Variants in CYP1A1 observed in about 807,000 individuals in gnomAD.
CYP1A1 encodes cytochrome P450 family 1 subfamily A member 1.
CYP1A1 carries 43 observed loss-of-function variants against 33.6 expected under a neutral mutation model. The ratio of observed to expected loss-of-function variants is 1.28; its 90% confidence interval spans 1.00 to 1.65. The LOEUF (loss-of-function observed/expected upper bound fraction) is 1.65. Among genes scored for constraint, CYP1A1 ranks in the 40% most tolerant of loss-of-function variants. CYP1A1 has a pLI of 0.00. For synonymous variants in CYP1A1, 280 were observed against 257.8 expected (o/e 1.09, Z -0.83); for missense variants, 637 against 653.7 (o/e 0.97, Z 0.28).
chr15:74,724,507 G>A (rs1356025689), intron 1 of CYP1A1, among the ~76,000 whole-genome samples: 1 of 151,740 alleles, frequency 6.6e-6, no homozygotes, highest in Non-Finnish European at 1.5e-5. Context: ...AGAGGGAAGA[G>A]AAAACCCAGA....
At chr15:74,723,584 C>T (rs1163920677) in intron 1 of CYP1A1, among the ~76,000 whole-genome samples, 1 of 152,194 alleles carries the variant, frequency 6.6e-6, no homozygotes, top group East Asian at 1.9e-4. Context: ...TCATCATAAA[C>T]AATATCTATG....
intron 1 of CYP1A1, among the ~76,000 whole-genome samples, chr15:74,723,794 G>A (rs746122945): frequency 1.8e-4 from 28 of 152,130 alleles, no homozygotes; most frequent in Non-Finnish European, 3.7e-4. Flanking sequence ...CAGTGACAGA[G>A]CCAGGACTCA....
At position 74,722,889 on chromosome 15, in the gene CYP1A1, T is replaced by C. The variant is rs112517897; in HGVS notation, c.209A>G (p.Tyr70Cys). Residue 70 changes from tyrosine to cysteine, a missense_variant, in exon 2 of 7, where the codon TAT becomes TGT. Transcript: ENST00000379727. ...HLALSRMSQQ[Y>C]GDVLQIRIGS... ...AATTCGGATCTGCAGCACGTCCCCA[T>C]ACTGCTGGCTCATCCTTGACAGTGC... is the stretch of plus-strand genomic sequence containing the variant. 3.1e-6 allele frequency: 5 copies of C among 1,614,020 alleles called. No homozygotes were observed. The Admixed American group carries it at 8.3e-5, about 27-fold the overall frequency.
rs1269949096 is a variant in CYP1A1 at position 74,721,290 on chromosome 15, G to A, written c.1075C>T (p.Leu359Phe). 6.2e-7 allele frequency: 1 copy of A among 1,613,376 alleles called. No homozygotes were observed. Among genetic ancestry groups the A allele is most frequent in the African/African-American group, 1.3e-5 (1 of 74,894 alleles). The change falls in exon 5 of 7, where the codon CTC becomes TTC. Residue 359 changes from leucine to phenylalanine, a missense_variant. By Grantham distance (22) the Leu-to-Phe change is conservative. Transcript: ENST00000379727. ...TVIGRSRRPR[L>F]SDRSHLPYME... ...TAGGGCAGATGGGATCTGTCAGAGA[G>A]CCGGGGCCGCCGTGACCTGCCAATC...
In CYP1A1 at chr15:74,720,759, G is replaced by A; in HGVS notation, c.1269C>T (p.Asn423=). The A allele has an allele frequency of 5.0e-6, 8 of 1,611,960 alleles. No individual in the cohort carries two copies. The highest frequency in any genetic ancestry group is 6.8e-6 in the Non-Finnish European group (8 of 1,178,754). Residue 423 remains asparagine, a synonymous_variant, in exon 7 of 7, where the codon AAC becomes AAT. Coordinates refer to ENST00000379727, the MANE Select transcript of CYP1A1 (RefSeq NM_001319217.2). ...ACCGTTCAGGTAGGAACTCAGATGG[G>A]TTGACCCATAGCTTCCTGTAACCAG... ...QINHDQKLWV[N]PSEFLPERFL... is the part of the protein sequence containing the mutation.
At chr15:74,721,559 A>G in intron 3 of CYP1A1, 32 bp downstream of exon 3, 1 of 1,614,176 alleles carries the variant, frequency 6.2e-7, no homozygotes, top group Non-Finnish European at 8.5e-7. Context: ...AGGGCACTTG[A>G]GCACAGGAAG....
rs537091773 is a variant in CYP1A1 at position 74,722,387 on chromosome 15, G to A, written c.711C>T (p.Ile237=). The change falls in exon 2 of 7, where the codon ATC becomes ATT. Residue 237 remains isoleucine (I), a synonymous_variant. Coordinates refer to ENST00000379727, the MANE Select transcript of CYP1A1 (RefSeq NM_001319217.2). ...VVGSGNPADF[I]PILRYLPNPS... is the part of the protein sequence containing the mutation. ...GGTTGGGTAGGTAGCGAAGAATAGG[G>A]ATGAAGTCAGCTGGGTTTCCAGAGC... 1 of 1,614,088 alleles carries A rather than the reference G, an allele frequency of 6.2e-7. No homozygotes were observed. Among genetic ancestry groups the A allele is most frequent in the East Asian group, 2.2e-5 (1 of 44,880 alleles).
At position 74,721,708 on chromosome 15, in the gene CYP1A1, G is replaced by A. The variant is rs34260157; in HGVS notation, c.835C>T (p.Arg279Trp). The A allele has an allele frequency of 2.7e-4, 439 of 1,613,934 alleles. 1 individual carries two copies. Among genetic ancestry groups the A allele is most frequent in the Middle Eastern group, 1.8e-3 (11 of 6,062 alleles). ...HYKTFEKGHIRDITDSLIEHC... is the reference protein window; with the variant it reads ...HYKTFEKGHIWDITDSLIEHC... ...TCAATCAGGCTGTCTGTGATGTCCC[G>A]GATGTGGCCCTTAGGTAGGGAAAGT... Residue 279 changes from arginine to tryptophan, a missense_variant, in exon 3 of 7, where the codon CGG becomes TGG. Arg to Trp is a moderately radical substitution (Grantham distance 101, BLOSUM62 -3). Transcript: ENST00000379727.
rs780666450 is a variant in CYP1A1, at chr15:74,722,347, A to C, written c.751T>G (p.Phe251Val). 1.2e-6 allele frequency: 2 copies of C among 1,614,144 alleles called. No individual in the cohort carries two copies. Among genetic ancestry groups the C allele is most frequent in the Non-Finnish European group, 1.7e-6 (2 of 1,180,032 alleles). The change falls in exon 2 of 7, where the codon TTC becomes GTC. Residue 251 changes from phenylalanine (F) to valine (V), a missense_variant. Phe to Val is a conservative substitution (Grantham distance 50, BLOSUM62 -1). Transcript: ENST00000379727. The part of the protein sequence containing the change: ...RYLPNPSLNA[F>V]KDLNEKFYSF... ...TAGAACTTCTCATTCAGGTCCTTGA[A>C]GGCATTCAGGGAAGGGTTGGGTAGG...
rs35035798 is a variant in CYP1A1 at position 74,722,902 on chromosome 15, T to C, written c.196A>G (p.Met66Val). The change falls in exon 2 of 7, where the codon ATG becomes GTG. Residue 66 changes from methionine to valine, a missense_variant. Physicochemically the swap from Met to Val is conservative, Grantham distance 21. Coordinates refer to ENST00000379727, the MANE Select transcript of CYP1A1 (RefSeq NM_001319217.2). Reference sequence around the variant, plus strand: ...AGCACGTCCCCATACTGCTGGCTCATCCTTGACAGTGCCAGGTGCGGGTTC... The same window carrying C: ...AGCACGTCCCCATACTGCTGGCTCACCCTTGACAGTGCCAGGTGCGGGTTC... The part of the protein sequence containing the change: ...GKNPHLALSR[M>V]SQQYGDVLQI... 408 of 1,614,024 alleles carry C rather than the reference T, an allele frequency of 2.5e-4. No individual in the cohort carries two copies. The highest frequency in any genetic ancestry group is 3.1e-4 in the Non-Finnish European group (368 of 1,180,026).
intron 1 of CYP1A1, among the ~76,000 whole-genome samples, chr15:74,724,624 G>A (rs1365821520): frequency 6.7e-6 from 1 of 149,978 alleles, no homozygotes; most frequent in Non-Finnish European, 1.5e-5. Context: ...GTGGAGGGAG[G>A]CTTCCTGGAG....
intron 1 of CYP1A1, 44 bp from the exon 2 acceptor site, chr15:74,723,170 G>C (rs1348293541): frequency 8.4e-7 from 1 of 1,186,398 alleles, no homozygotes; most frequent in Non-Finnish European, 1.2e-6. Context: ...CCGTCAGATT[G>C]GGGGATGAGA....
At position 74,721,249 on chromosome 15, in the gene CYP1A1, G is replaced by A; in HGVS notation, c.1116C>T (p.Ile372=). 2.5e-6 allele frequency: 4 copies of A among 1,613,902 alleles called. No individual in the cohort carries two copies. Among genetic ancestry groups the A allele is most frequent in the Non-Finnish European group, 3.4e-6 (4 of 1,179,932 alleles). The change falls in exon 5 of 7, where the codon ATC becomes ATT. Residue 372 remains isoleucine (I), a synonymous_variant. Transcript: ENST00000379727. The part of the protein sequence containing the change: ...RSHLPYMEAF[I]LETFRHSSFV... ...AGGAAGAGTGTCGGAAGGTCTCCAG[G>A]ATGAAGGCCTCCATATAGGGCAGAT...
At position 74,723,098 on chromosome 15, in the gene CYP1A1, G is replaced by C. The variant is rs895831176; in HGVS notation, c.-1C>G. 1 of 1,579,858 alleles carries C rather than the reference G, an allele frequency of 6.3e-7. No homozygotes were observed. Among genetic ancestry groups the C allele is most frequent in the African/African-American group, 1.4e-5 (1 of 73,958 alleles). ...CCGACATGGAGATTGGGAAAAGCAT[G>C]ATCAGTGTAGGGATCTTGGAGGTGG... On this transcript the variant is annotated 5_prime_UTR_variant, in exon 2 of 7. It adds an upstream start codon to the 5' untranslated region. Transcript: ENST00000379727.
chr15:74,724,015 C>A (rs563522100), intron 1 of CYP1A1, among the ~76,000 whole-genome samples: 2 of 152,272 alleles, frequency 1.3e-5, no homozygotes, highest in East Asian at 1.9e-4. Context: ...TTGCTTTCAG[C>A]CCCAGCTCTC....
In CYP1A1 at chr15:74,721,881, C is replaced by T. The variant is rs1454296841; in HGVS notation, c.826-164G>A. 27 of 826,374 alleles carry T rather than the reference C, an allele frequency of 3.3e-5. No homozygotes were observed. The South Asian group carries it at 4.3e-4, about 13-fold the overall frequency. The allele number at this position is 826,374 out of a possible 1,614,324, so 51.2% of individuals were successfully genotyped here. The stretch of plus-strand genomic sequence containing the variant: ...GCCTCTGCAAGGCTCTCTCCTACTA[C>T]CTTAGAATGCTGCTAGCCCCAACTC... On this transcript the variant is annotated intron_variant, in intron 2 of 6. Transcript: ENST00000379727.
chr15:74,720,057 A>G lies in CYP1A1; in HGVS notation c.*432T>C, dbSNP rs1248113464. On this transcript the variant is annotated 3_prime_UTR_variant, in exon 7 of 7. Transcript: ENST00000379727. ...GCTGTCTCTTCCCTTCACTCTTGGC[A>G]GCTCCCAATTGTCAAAGATTGGACA... is the stretch of plus-strand genomic sequence containing the variant. The G allele has an allele frequency of 6.4e-6, 1 of 156,928 alleles. No individual in the cohort carries two copies. Among genetic ancestry groups the G allele is most frequent in the Non-Finnish European group, 1.4e-5 (1 of 71,610 alleles). The allele number at this position is 156,928 out of a possible 1,614,324, so 9.7% of individuals were successfully genotyped here. A position where few individuals can be genotyped will look rare whatever the true frequency, so the allele number is the denominator to read the frequency against.
intron 1 of CYP1A1, among the ~76,000 whole-genome samples, chr15:74,723,444 A>AGGC: frequency 6.6e-6 from 1 of 152,128 alleles, no homozygotes; most frequent in African/African-American, 2.4e-5. Context: ...CTAATTCCAG[A>AGGC]ACGCTTTCTC....
chr15:74,721,026 G>T lies in CYP1A1; in HGVS notation c.1194C>A (p.Gly398=). The T allele has an allele frequency of 1.2e-6, 2 of 1,614,204 alleles. No individual in the cohort carries two copies. The highest frequency in any genetic ancestry group is 1.7e-6 in the Non-Finnish European group (2 of 1,180,030). The change falls in exon 6 of 7, where the codon GGC becomes GGA. Residue 398 remains glycine, a synonymous_variant. Coordinates refer to ENST00000379727, the MANE Select transcript of CYP1A1 (RefSeq NM_001319217.2). ...HSTTRDTSLK[G]FYIPKGRCVF... ...CACAACGCCCCTTGGGGATGTAAAAGCCTTTCAAACTTGTGTCTCTTGTTG... is the reference window on the plus strand; with the variant it reads ...CACAACGCCCCTTGGGGATGTAAAATCCTTTCAAACTTGTGTCTCTTGTTG...
Sources: gnomAD v4.1 joint callset for allele counts (sites outside exome capture counted in the v4.1 genomes callset) on GRCh38, gnomAD v4.1.1 for gene constraint, MANE v1.5 for transcripts, NCBI Gene and HGNC (gene_info 2026-07-23, HGNC 2026-07-21) for gene names.